The following TTC23L variants were observed in gnomAD, a reference collection of about 807,000 sequenced individuals.
The protein encoded by TTC23L is tetratricopeptide repeat protein 23-like.
In TTC23L, 42 loss-of-function variants were observed where a neutral mutation model predicts 48.1. The observed-to-expected ratio is 0.87, with a 90% confidence interval of 0.68 to 1.13. The LOEUF is 1.13. Among genes scored for constraint, TTC23L ranks in the 50% most tolerant of loss-of-function variants. The pLI is 0.00. For missense variants in TTC23L, 391 were observed against 421.0 expected, an observed-to-expected ratio of 0.93 and a Z score of 0.62; for synonymous variants, 159 against 157.2, an observed-to-expected ratio of 1.01 and a Z score of -0.09.
chr5:34,910,100 C>G, the TTC23L span, among the ~76,000 whole-genome samples: 1 of 152,116 alleles, frequency 6.6e-6, no homozygotes, highest in African/African-American at 2.4e-5. Flanking sequence ...AATGGATCTC[C>G]TGAGCACCAT....
chr5:34,909,096 T>C, the TTC23L span: 12 of 951,190 alleles, frequency 1.3e-5, no homozygotes, highest in Non-Finnish European at 1.9e-5. Flanking sequence ...ATTCATTCAC[T>C]GTTAGAACCC....
intron 9 of TTC23L, among the ~76,000 whole-genome samples, chr5:34,895,561 C>G (rs1763164846): frequency 6.6e-6 from 1 of 152,110 alleles, no homozygotes; most frequent in Non-Finnish European, 1.5e-5. Flanking sequence ...CTGTAGAAAC[C>G]AACAGAAGGA....
chr5:34,911,711 G>C, the TTC23L span: 1 of 1,614,134 alleles, frequency 6.2e-7, no homozygotes, highest in South Asian at 1.1e-5. Context: ...TCAGGTTCCT[G>C]TGTATTGATT....
chr5:34,866,972 G>A (rs1761095641), exon 7 of TTC23L: 5 of 1,611,024 alleles, frequency 3.1e-6, no homozygotes, highest in Non-Finnish European at 4.2e-6. Context: ...GCTGCCAAGG[G>A]TGATAGGACG....
intron 9 of TTC23L, among the ~76,000 whole-genome samples, chr5:34,894,882 T>TG (rs202208157): frequency 0.057 from 7,938 of 139,462 alleles, 296 homozygotes; most frequent in South Asian, 0.12. Flanking sequence ...ATGAGAGTGT[T>TG]AATGATGATG....
At chr5:34,895,162 T>G (rs182032586) in intron 9 of TTC23L, among the ~76,000 whole-genome samples, 2 of 152,298 alleles carry the variant, frequency 1.3e-5, no homozygotes, top group African/African-American at 4.8e-5. Flanking sequence ...CAGTTCTGAT[T>G]GTTAGAAGAA....
At chr5:34,924,928 G>A in the TTC23L span, 1 of 1,613,514 alleles carries the variant, frequency 6.2e-7, no homozygotes, top group Non-Finnish European at 8.5e-7. Flanking sequence ...GGGAAGTTTT[G>A]GAGGACCAAC....
At position 34,841,658 on chromosome 5, in the gene TTC23L, C is replaced by T. The variant is rs1444668559; in HGVS notation, c.68+919C>T. 2.0e-5 allele frequency among the ~76,000 whole-genome samples: 3 copies of T among 152,212 alleles called. 1 individual carries two copies. The highest frequency in any genetic ancestry group is 4.1e-4 in the South Asian group (2 of 4,828). On this transcript the variant is annotated intron_variant, in intron 2 of 10. Coordinates refer to ENST00000505624, the Ensembl canonical transcript of TTC23L. ...TCAGCCTCCTGAGTAGCTGGGACTA[C>T]AGGCACACACCACCATACCTGCCTA...
At chr5:34,877,969 G>C (rs1761975752) in intron 8 of TTC23L, among the ~76,000 whole-genome samples, 1 of 152,176 alleles carries the variant, frequency 6.6e-6, no homozygotes, top group Admixed American at 6.5e-5. Context: ...ATTAATAAGT[G>C]ATTATAGAAA....
chr5:34,915,894 C>T, the TTC23L span: 1 of 1,552,562 alleles, frequency 6.4e-7, no homozygotes. Flanking sequence ...GCCCCGTTTG[C>T]AAGGTAGGAG....
the TTC23L span, chr5:34,909,501 T>C: frequency 3.7e-6 from 2 of 534,508 alleles, no homozygotes; most frequent in East Asian, 2.9e-5. Context: ...CGATAACAAG[T>C]ACCATAATAA....
At chr5:34,893,450 T>C (rs1189711883) in intron 9 of TTC23L, among the ~76,000 whole-genome samples, 4 of 152,132 alleles carry the variant, frequency 2.6e-5, no homozygotes, top group Non-Finnish European at 2.9e-5. Flanking sequence ...AAATAACCCA[T>C]GGAATACATA....
rs973171505 is a variant in TTC23L at position 34,845,424 on chromosome 5, A to G, written c.69-63A>G. The G allele has an allele frequency of 6.5e-6, 10 of 1,537,454 alleles. No homozygotes were observed. The South Asian group carries it at 7.6e-5, about 12-fold the overall frequency. On this transcript the variant is annotated intron_variant, in intron 2 of 10. Coordinates refer to ENST00000505624, the Ensembl canonical transcript of TTC23L. ...CTAGTTGGGAGAGCTATGCCCTTCA[A>G]TTTTACCTTGTTTGAGATGGAGAAG...
chr5:34,882,478 G>A (rs773535456), intron 9 of TTC23L, among the ~76,000 whole-genome samples: 8 of 152,176 alleles, frequency 5.3e-5, no homozygotes, highest in Admixed American at 2.6e-4. Context: ...ACTTTTGAAT[G>A]AAACTGCTGA....
intron 9 of TTC23L, among the ~76,000 whole-genome samples, chr5:34,881,321 T>C (rs1762210072): frequency 1.3e-5 from 2 of 152,340 alleles, no homozygotes; most frequent in South Asian, 4.1e-4. Context: ...TAAAAAGTTA[T>C]AGAGAATAAT....
At chr5:34,876,147 G>A (rs1221780721) in intron 8 of TTC23L, among the ~76,000 whole-genome samples, 2 of 151,800 alleles carry the variant, frequency 1.3e-5, no homozygotes, top group Non-Finnish European at 2.9e-5. Context: ...GTGCTTAGAG[G>A]GATATTTATA....
chr5:34,899,929 G>A (rs1021225721), downstream of TTC23L, among the ~76,000 whole-genome samples: 9 of 152,164 alleles, frequency 5.9e-5, no homozygotes, highest in African/African-American at 1.7e-4. Flanking sequence ...ACCCAACTAG[G>A]ATCCTGATCT....
At chr5:34,857,670 A>G (rs1312930555) in intron 4 of TTC23L, among the ~76,000 whole-genome samples, 1 of 148,774 alleles carries the variant, frequency 6.7e-6, no homozygotes, top group East Asian at 1.9e-4. Flanking sequence ...TGGCTAATAT[A>G]TCTTCAAACT....
intron 9 of TTC23L, among the ~76,000 whole-genome samples, chr5:34,891,642 T>A (rs920380120): frequency 6.6e-6 from 1 of 152,182 alleles, no homozygotes; most frequent in South Asian, 2.1e-4. Context: ...GTAATAATAA[T>A]GAAACTAAAA....
Sources: gnomAD v4.1 joint callset for allele counts (sites outside exome capture counted in the v4.1 genomes callset) on GRCh38, gnomAD v4.1.1 for gene constraint, MANE v1.5 for transcripts, NCBI Gene and HGNC (gene_info 2026-07-23, HGNC 2026-07-21) for gene names.